ADAMTS17: variants seen among roughly 807,000 people sequenced by gnomAD.
ADAMTS17 encodes the protein A disintegrin and metalloproteinase with thrombospondin motifs 17.
In ADAMTS17, 113 loss-of-function variants were observed where a neutral mutation model predicts 141.5. That is an observed-to-expected ratio of 0.80 (90% CI 0.69 to 0.93). ADAMTS17 has a LOEUF of 0.93. Among genes scored for constraint, ADAMTS17 ranks in the 40% least tolerant of loss-of-function variants. The pLI, the probability that ADAMTS17 is intolerant of heterozygous loss-of-function variation, is 0.00. For missense variants in ADAMTS17, 1,659 were observed against 1,517.9 expected (o/e 1.09, Z -1.54); for synonymous variants, 768 against 630.6 (o/e 1.22, Z -3.27).
At chr15:100,237,065 C>A (rs2042679977) in intron 7 of ADAMTS17, among the ~76,000 whole-genome samples, 1 of 152,200 alleles carries the variant, frequency 6.6e-6, no homozygotes, top group Non-Finnish European at 1.5e-5. Flanking sequence ...ATTCCTCAGG[C>A]CCCCACAACC....
Position 100,155,330 on chromosome 15 carries a change from A to G in ADAMTS17, c.1182-10T>C, listed in dbSNP as rs1484078632. Reference sequence around the variant, plus strand: ...GTGGTTCATGCCCAAGCTGTCCAAGAAGGAGGAGAGAGGGATGCTTATGCT... The same window carrying G: ...GTGGTTCATGCCCAAGCTGTCCAAGGAGGAGGAGAGAGGGATGCTTATGCT... On this transcript the variant is annotated splice_polypyrimidine_tract_variant and intron_variant, in intron 8 of 21. Coordinates refer to ENST00000268070, the MANE Select transcript of ADAMTS17 (RefSeq NM_139057.4). 23 of 1,612,518 alleles carry G rather than the reference A, an allele frequency of 1.4e-5. No individual in the cohort carries two copies. Among genetic ancestry groups the G allele is most frequent in the East Asian group, 1.3e-4 (6 of 44,864 alleles).
chr15:100,227,917 G>C (rs989645178), intron 7 of ADAMTS17, among the ~76,000 whole-genome samples: 2 of 152,210 alleles, frequency 1.3e-5, no homozygotes, highest in African/African-American at 4.8e-5. Flanking sequence ...TGTTATCTTA[G>C]AGCAACGGCT....
chr15:100,000,682 T>G (rs1202544205), intron 18 of ADAMTS17, among the ~76,000 whole-genome samples: 1 of 152,036 alleles, frequency 6.6e-6, no homozygotes, highest in East Asian at 1.9e-4. Flanking sequence ...CCTGACTAAT[T>G]TTTGTATTTT....
At chr15:100,080,688 T>G (rs1567139553) in intron 15 of ADAMTS17, among the ~76,000 whole-genome samples, 1 of 152,332 alleles carries the variant, frequency 6.6e-6, no homozygotes, top group East Asian at 1.9e-4. Context: ...ATTTCCTCCT[T>G]TTTTTGCTAA....
intron 4 of ADAMTS17, among the ~76,000 whole-genome samples, chr15:100,269,088 G>C (rs1366671868): frequency 6.6e-6 from 1 of 152,180 alleles, no homozygotes; most frequent in African/African-American, 2.4e-5. Context: ...GCAGAAGAAT[G>C]AAACTGGACC....
chr15:100,162,364 T>A (rs1466842454), intron 8 of ADAMTS17, among the ~76,000 whole-genome samples: 2 of 147,966 alleles, frequency 1.4e-5, no homozygotes, highest in Admixed American at 6.8e-5. Flanking sequence ...TATAACTATA[T>A]AGTTATATAT....
At chr15:100,052,643 T>G (rs2032237626) in intron 16 of ADAMTS17, among the ~76,000 whole-genome samples, 1 of 152,232 alleles carries the variant, frequency 6.6e-6, no homozygotes, top group South Asian at 2.1e-4. Flanking sequence ...GTTTTATGTT[T>G]TGCCTCCTCT....
At chr15:100,247,182 T>C (rs2043014473) in intron 7 of ADAMTS17, among the ~76,000 whole-genome samples, 1 of 152,148 alleles carries the variant, frequency 6.6e-6, no homozygotes, top group Non-Finnish European at 1.5e-5. Flanking sequence ...CCACCACACC[T>C]GGCCTGAAGA....
chr15:100,216,269 C>G (rs954969755), intron 7 of ADAMTS17, among the ~76,000 whole-genome samples: 1 of 152,210 alleles, frequency 6.6e-6, no homozygotes, highest in African/African-American at 2.4e-5. Context: ...TTGACCAAGT[C>G]CAAATTTTTT....
At chr15:100,059,807 G>C (rs908220713) in intron 15 of ADAMTS17, among the ~76,000 whole-genome samples, 1 of 152,142 alleles carries the variant, frequency 6.6e-6, no homozygotes, top group South Asian at 2.1e-4. Context: ...AGGCCCATGA[G>C]GCTGCAGCTC....
At chr15:100,332,533 G>A (rs1195132671) in intron 2 of ADAMTS17, among the ~76,000 whole-genome samples, 2 of 152,212 alleles carry the variant, frequency 1.3e-5, no homozygotes, top group African/African-American at 2.4e-5. Context: ...GCCCCCCCAG[G>A]ATCTAGCACT....
chr15:100,049,129 T>C (rs888469952), intron 17 of ADAMTS17, 137 bp from the exon 18 acceptor site: 16 of 1,342,998 alleles, frequency 1.2e-5, no homozygotes, highest in East Asian at 2.4e-5. Flanking sequence ...GTAAATGTCA[T>C]GTGGGTTTTT....
At chr15:100,159,934 G>A (rs1011713379) in intron 8 of ADAMTS17, among the ~76,000 whole-genome samples, 1 of 152,222 alleles carries the variant, frequency 6.6e-6, no homozygotes, top group Non-Finnish European at 1.5e-5. Context: ...GGAAGCCACA[G>A]GGTCTGGAAC....
Position 100,255,617 on chromosome 15 carries a change from A to AACACACACAC in ADAMTS17, c.1032-1448_1032-1439dup, listed in dbSNP as rs10529356. Among the ~76,000 whole-genome samples, 678 of 140,266 alleles carry AACACACACAC rather than the reference A, an allele frequency of 4.8e-3. 16 individuals carry two copies. In the South Asian group the frequency reaches 0.07, roughly 14 times the overall value. The allele number at this position is 140,266 out of a possible 152,430, so 92.0% of individuals were successfully genotyped here. ...CCTTCCCAATTCTCGTGTTTTGAGCAACACACACACACACACACACACACA... is the reference window on the plus strand; with the variant it reads ...CCTTCCCAATTCTCGTGTTTTGAGCAACACACACACACACACACACACACACACACACACA... On this transcript the variant is annotated intron_variant, in intron 6 of 21. Transcript: ENST00000268070.
intron 15 of ADAMTS17, among the ~76,000 whole-genome samples, chr15:100,058,484 C>T (rs994437165): frequency 2.0e-5 from 3 of 152,206 alleles, no homozygotes; most frequent in African/African-American, 7.2e-5. Flanking sequence ...TGACAACCTA[C>T]AAACTACCCC....
At chr15:100,064,203 G>C (rs1424999535) in intron 15 of ADAMTS17, among the ~76,000 whole-genome samples, 1 of 152,174 alleles carries the variant, frequency 6.6e-6, no homozygotes, top group Admixed American at 6.5e-5. Flanking sequence ...CTTCTACAAA[G>C]CAGCCAAGGA....
intron 18 of ADAMTS17, among the ~76,000 whole-genome samples, chr15:100,024,849 G>A (rs2061475380): frequency 6.6e-6 from 1 of 152,178 alleles, no homozygotes; most frequent in Non-Finnish European, 1.5e-5. Context: ...TCCTTAGCAC[G>A]TGACCTTGAC....
chr15:100,331,568 T>G (rs1433111778), intron 2 of ADAMTS17, among the ~76,000 whole-genome samples: 1 of 151,912 alleles, frequency 6.6e-6, no homozygotes, highest in East Asian at 1.9e-4. Context: ...TTATGCAGAG[T>G]CAAAATGGTA....
chr15:100,341,966 C>G lies in ADAMTS17; in HGVS notation c.-67G>C. The G allele has an allele frequency of 6.5e-7, 1 of 1,532,940 alleles. No homozygotes were observed. Among genetic ancestry groups the G allele is most frequent in the South Asian group, 1.2e-5 (1 of 83,668 alleles). The allele number at this position is 1,532,940 out of a possible 1,614,324, so 95.0% of individuals were successfully genotyped here. On this transcript the variant is annotated 5_prime_UTR_variant, in exon 1 of 22. Coordinates refer to ENST00000268070, the MANE Select transcript of ADAMTS17 (RefSeq NM_139057.4). ...GCAGGAGCGCGCTAGGCGGCGGCGC[C>G]AGCCGGAGTGAAGCCCTCCAGCCTT...
Sources: gnomAD v4.1 joint callset for allele counts (sites outside exome capture counted in the v4.1 genomes callset) on GRCh38, gnomAD v4.1.1 for gene constraint, MANE v1.5 for transcripts, NCBI Gene and HGNC (gene_info 2026-07-23, HGNC 2026-07-21) for gene names.